Variants in TMCC3 observed in about 807,000 individuals in gnomAD.
TMCC3 encodes the protein transmembrane and coiled-coil domain protein 3.
In TMCC3, 28 loss-of-function variants were observed where a neutral mutation model predicts 40.2. The ratio of observed to expected loss-of-function variants is 0.70; its 90% confidence interval spans 0.52 to 0.95. The LOEUF is 0.95. Ranked by LOEUF, TMCC3 falls within the 40% of genes least tolerant of loss-of-function variation. TMCC3 has a pLI of 0.00. For synonymous variants in TMCC3, 255 were observed against 248.5 expected, an observed-to-expected ratio of 1.03 and a Z score of -0.25; for missense variants, 554 against 615.2, an observed-to-expected ratio of 0.90 and a Z score of 1.05.
intron 1 of TMCC3, among the ~76,000 whole-genome samples, chr12:94,605,842 C>T (rs748341376): frequency 9.9e-5 from 15 of 152,138 alleles, no homozygotes; most frequent in East Asian, 1.9e-4. Context: ...TCAATGTACA[C>T]GGCAAATCAC....
At chr12:94,628,527 C>T (rs1427647989) in intron 1 of TMCC3, among the ~76,000 whole-genome samples, 2 of 152,210 alleles carry the variant, frequency 1.3e-5, no homozygotes, top group Admixed American at 6.5e-5. Flanking sequence ...TCTGAACCTG[C>T]CTACAGAATG....
rs1566324760 is a variant in TMCC3, at chr12:94,602,957, T to A, written c.79-20419A>T. On this transcript the variant is annotated intron_variant, in intron 1 of 3. Coordinates refer to ENST00000261226, the MANE Select transcript of TMCC3 (RefSeq NM_020698.4). ...CTCTAAGGGCCTTGCAGCTCTCATA[T>A]GCAGCAGTTCTGTTACTATTAGGTC... Among the ~76,000 whole-genome samples the A allele has an allele frequency of 1.3e-5, 2 of 152,200 alleles. 1 individual carries two copies. Among genetic ancestry groups the A allele is most frequent in the South Asian group, 4.1e-4 (2 of 4,834 alleles).
Position 94,650,399 on chromosome 12 carries a change from T to C in TMCC3, c.32A>G (p.Asp11Gly), listed in dbSNP as rs1469500881. ...CCGGCCGGGGTACGAGTAGGTCCGG[T>C]CCACGGTGAGCGCCGTGTCGCTGCC... Reference protein sequence around the residue: MPGSDTALTVDRTYSYPGRHH... With the variant: MPGSDTALTVGRTYSYPGRHH... Residue 11 changes from aspartate (D) to glycine (G), a missense_variant, in exon 1 of 4, where the codon GAC becomes GGC. Physicochemically the swap from Asp to Gly is moderately conservative, Grantham distance 94 (BLOSUM62 -1). Transcript: ENST00000261226. 1.5e-6 allele frequency: 2 copies of C among 1,330,700 alleles called. No individual in the cohort carries two copies. The highest frequency in any genetic ancestry group is 3.1e-5 in the African/African-American group (2 of 65,244). 82.4% of individuals were successfully genotyped at this position (1,330,700 alleles called of 1,614,324 possible).
chr12:94,628,392 C>G (rs1260998527), intron 1 of TMCC3, among the ~76,000 whole-genome samples: 2 of 152,192 alleles, frequency 1.3e-5, no homozygotes, highest in African/African-American at 4.8e-5. Context: ...TCCACCTATC[C>G]ACAAAAGGGC....
intron 3 of TMCC3, among the ~76,000 whole-genome samples, chr12:94,577,709 C>T (rs558281699): frequency 8.5e-5 from 13 of 152,224 alleles, no homozygotes; most frequent in East Asian, 5.8e-4. Flanking sequence ...TTGGCAGTTG[C>T]GCTATCCCAC....
At chr12:94,591,181 T>C (rs1488966911) in intron 1 of TMCC3, 2 of 264,284 alleles carry the variant, frequency 7.6e-6, no homozygotes, top group East Asian at 1.0e-4. Context: ...CCTTTCTAAA[T>C]GTACAAGGCA....
Position 94,581,857 on chromosome 12 carries a change from C to T in TMCC3, c.760G>A (p.Asp254Asn). 1 of 1,614,178 alleles carries T rather than the reference C, an allele frequency of 6.2e-7. No homozygotes were observed. Among genetic ancestry groups the T allele is most frequent in the Non-Finnish European group, 8.5e-7 (1 of 1,179,986 alleles). Reference protein sequence around the residue: ...TIVNKPKYGSDDECSSGTSGS... With the variant: ...TIVNKPKYGSNDECSSGTSGS... Reference sequence around the variant, plus strand: ...GACGTGCCACTCGAACATTCATCATCACTGCCATACTTGGGTTTGTTCACG... The same window carrying T: ...GACGTGCCACTCGAACATTCATCATTACTGCCATACTTGGGTTTGTTCACG... The change falls in exon 2 of 4, where the codon GAT (aspartate) becomes AAT (asparagine). Residue 254 changes from aspartate to asparagine, a missense_variant. Asp to Asn is a conservative substitution (Grantham distance 23). Transcript: ENST00000261226.
intron 1 of TMCC3, among the ~76,000 whole-genome samples, chr12:94,642,835 G>A (rs2068997883): frequency 6.6e-6 from 1 of 152,170 alleles, no homozygotes; most frequent in Non-Finnish European, 1.5e-5. Context: ...AGTCCTCCAA[G>A]GGAAGTACTG....
At chr12:94,632,981 C>G (rs954953239) in intron 1 of TMCC3, among the ~76,000 whole-genome samples, 11 of 152,090 alleles carry the variant, frequency 7.2e-5, no homozygotes, top group African/African-American at 1.7e-4. Flanking sequence ...TGGTGCGCAC[C>G]TGCAGTCCTC....
In TMCC3 at chr12:94,567,141, C is replaced by T. The variant is rs2068499494; in HGVS notation, c.*4294G>A. 6.6e-6 allele frequency: 1 copy of T among 152,144 alleles called. No homozygotes were observed. Among genetic ancestry groups the T allele is most frequent in the Non-Finnish European group, 1.5e-5 (1 of 68,032 alleles). 9.4% of individuals were successfully genotyped at this position (152,144 alleles called of 1,614,324 possible). ...CAAATGTGAAAATTTAAGAAATCTA[C>T]CTCTTTATTTAACACCAAAGCTAAC... On this transcript the variant is annotated 3_prime_UTR_variant, in exon 4 of 4. Coordinates refer to ENST00000261226, the MANE Select transcript of TMCC3 (RefSeq NM_020698.4).
At chr12:94,611,222 C>T (rs143416161) in intron 1 of TMCC3, among the ~76,000 whole-genome samples, 1 of 152,182 alleles carries the variant, frequency 6.6e-6, no homozygotes, top group Non-Finnish European at 1.5e-5. Flanking sequence ...TTTTAAATCC[C>T]ATTTCCCAAG....
At position 94,578,384 on chromosome 12, in the gene TMCC3, G is replaced by C. The variant is rs2068579867; in HGVS notation, c.1131+10C>G. Reference sequence around the variant, plus strand: ...CCCAGGCCTGTGTCTAATCACAAAGGGAAAGGTACCTGGATGTCCCGCGAG... The same window carrying C: ...CCCAGGCCTGTGTCTAATCACAAAGCGAAAGGTACCTGGATGTCCCGCGAG... On this transcript the variant is annotated intron_variant, in intron 3 of 3. Coordinates refer to ENST00000261226, the MANE Select transcript of TMCC3 (RefSeq NM_020698.4). 6.2e-6 allele frequency: 10 copies of C among 1,612,764 alleles called. No homozygotes were observed. The highest frequency in any genetic ancestry group is 8.5e-6 in the Non-Finnish European group (10 of 1,179,186).
At chr12:94,631,790 G>A (rs985273009) in intron 1 of TMCC3, among the ~76,000 whole-genome samples, 1 of 152,108 alleles carries the variant, frequency 6.6e-6, no homozygotes, top group Non-Finnish European at 1.5e-5. Context: ...AAAGTAACAG[G>A]ATTACAAACT....
At chr12:94,614,230 T>C (rs1057398480) in intron 1 of TMCC3, among the ~76,000 whole-genome samples, 5 of 152,084 alleles carry the variant, frequency 3.3e-5, no homozygotes, top group Admixed American at 6.6e-5. Flanking sequence ...ACTTAACTCG[T>C]TGGGTAATAA....
At chr12:94,607,087 G>A (rs538340979) in intron 1 of TMCC3, among the ~76,000 whole-genome samples, 3 of 152,144 alleles carry the variant, frequency 2.0e-5, no homozygotes, top group South Asian at 2.1e-4. Flanking sequence ...CCTTCCGCAC[G>A]GTATTCCTTG....
intron 1 of TMCC3, among the ~76,000 whole-genome samples, chr12:94,583,372 T>C (rs1594269830): frequency 6.6e-6 from 1 of 151,996 alleles, no homozygotes. Context: ...GGCATGGTGG[T>C]GGGCACCTGT....
In TMCC3 at chr12:94,582,993, TTAA is replaced by T. The variant is rs1162628966; in HGVS notation, c.79-458_79-456del. Among the ~76,000 whole-genome samples the T allele has an allele frequency of 1.3e-4, 3 of 22,358 alleles. No homozygotes were observed. In the African/African-American group the frequency reaches 2.4e-3, roughly 18 times the overall value. 14.7% of individuals were successfully genotyped at this position (22,358 alleles called of 152,430 possible). The stretch of plus-strand genomic sequence containing the variant: ...TTTTTTTTTTTTTTTTTTTTTTTTT[TTAA>T]AAAAGAAAGATGGGGAAAAATAGGG... On this transcript the variant is annotated intron_variant, in intron 1 of 3. Coordinates refer to ENST00000261226, the MANE Select transcript of TMCC3 (RefSeq NM_020698.4).
rs746249449 is a variant in TMCC3, at chr12:94,582,535, C to G, written c.82G>C (p.Glu28Gln). 2.5e-6 allele frequency: 4 copies of G among 1,592,874 alleles called. No individual in the cohort carries two copies. The highest frequency in any genetic ancestry group is 3.4e-6 in the Non-Finnish European group (4 of 1,171,182). Residue 28 changes from glutamate to glutamine, a missense_variant, in exon 2 of 4, where the codon GAA becomes CAA. By Grantham distance (29) the Glu-to-Gln change is conservative. Coordinates refer to ENST00000261226, the MANE Select transcript of TMCC3 (RefSeq NM_020698.4). ...GRHHRCKSRV[E>Q]RHDMNTLSLP... The stretch of plus-strand genomic sequence containing the variant: ...CTTAAGGTATTCATGTCATGACGTT[C>G]TACCTGAAAGAGACAGGAAAGAAGC...
rs12309541 is a variant in TMCC3 at position 94,594,262 on chromosome 12, T to C, written c.79-11724A>G. ...TGAGAGAGAGAGAGGTCTCTCACTC[T>C]GTCACCCAGGCTGGAGTGCAGTGAT... On this transcript the variant is annotated intron_variant, in intron 1 of 3. Coordinates refer to ENST00000261226, the MANE Select transcript of TMCC3 (RefSeq NM_020698.4). Among the ~76,000 whole-genome samples the C allele has an allele frequency of 9.0e-3, 1,355 of 151,026 alleles. 28 individuals are homozygous for C. The highest frequency in any genetic ancestry group is 0.032 in the African/African-American group (1,284 of 40,522).
Sources: gnomAD v4.1 joint callset for allele counts (sites outside exome capture counted in the v4.1 genomes callset) on GRCh38, gnomAD v4.1.1 for gene constraint, MANE v1.5 for transcripts, NCBI Gene and HGNC (gene_info 2026-07-23, HGNC 2026-07-21) for gene names.